The following SLC39A11 variants were observed in gnomAD, a reference collection of about 807,000 sequenced individuals.
The protein encoded by SLC39A11 is solute carrier family 39 member 11.
Under a neutral mutation model 36.1 loss-of-function variants are expected in SLC39A11, and 33 were observed. The ratio of observed to expected loss-of-function variants is 0.91; its 90% CI spans 0.69 to 1.22. The LOEUF (loss-of-function observed/expected upper bound fraction) is 1.22, where lower values mean the gene tolerates loss of function less well. SLC39A11 is among the 50% of genes most tolerant of loss of function. SLC39A11 has a pLI of 0.00. For missense variants in SLC39A11, 432 were observed against 430.3 expected (o/e 1.00, Z -0.03); for synonymous variants, 166 against 170.3 (o/e 0.97, Z 0.20).
intron 4 of SLC39A11, among the ~76,000 whole-genome samples, chr17:73,012,546 T>A (rs1368528182): frequency 6.6e-6 from 1 of 152,102 alleles, no homozygotes; most frequent in East Asian, 1.9e-4. Context: ...TTTTTCTTTT[T>A]TAACTTTTAT....
chr17:72,945,500 A>T (rs188482885), intron 5 of SLC39A11, among the ~76,000 whole-genome samples: 2 of 152,228 alleles, frequency 1.3e-5, no homozygotes, highest in Non-Finnish European at 2.9e-5. Context: ...AATAGCCATT[A>T]TCAGTTTTGG....
At chr17:72,756,423 T>C (rs1450512887) in intron 6 of SLC39A11, among the ~76,000 whole-genome samples, 1 of 152,246 alleles carries the variant, frequency 6.6e-6, no homozygotes, top group Non-Finnish European at 1.5e-5. Context: ...AAATGTGGTA[T>C]ATCCACACAA....
intron 4 of SLC39A11, among the ~76,000 whole-genome samples, chr17:72,973,463 T>C (rs79089781): frequency 0.035 from 5,312 of 152,250 alleles, 134 homozygotes; most frequent in Middle Eastern, 0.082. Flanking sequence ...ATGGTTTCCC[T>C]GGGCTGCAGG....
chr17:72,997,414 C>T (rs1208497067), intron 4 of SLC39A11, among the ~76,000 whole-genome samples: 3 of 152,142 alleles, frequency 2.0e-5, no homozygotes, highest in Non-Finnish European at 2.9e-5. Flanking sequence ...CCACCACGCC[C>T]GGCTAATTTT....
intron 4 of SLC39A11, among the ~76,000 whole-genome samples, chr17:72,954,639 T>G (rs1159069753): frequency 1.3e-5 from 2 of 152,248 alleles, no homozygotes; most frequent in Non-Finnish European, 2.9e-5. Flanking sequence ...GAAGTTGCCA[T>G]AATAATGACA....
At chr17:73,052,520 T>C (rs1181660054) in intron 3 of SLC39A11, among the ~76,000 whole-genome samples, 1 of 151,996 alleles carries the variant, frequency 6.6e-6, no homozygotes, top group East Asian at 1.9e-4. Context: ...ATAAGACTAA[T>C]AAAGAGAGGA....
intron 6 of SLC39A11, among the ~76,000 whole-genome samples, chr17:72,817,227 C>A (rs1221719984): frequency 6.7e-6 from 1 of 150,140 alleles, no homozygotes; most frequent in African/African-American, 2.5e-5. Context: ...AGCTTCCACT[C>A]ATGGTGGAAG....
intron 3 of SLC39A11, among the ~76,000 whole-genome samples, chr17:73,034,422 G>A (rs1298223609): frequency 5.9e-5 from 9 of 152,194 alleles, no homozygotes; most frequent in East Asian, 1.9e-4. Flanking sequence ...GGGTTTTGCC[G>A]TGTTGGCCAG....
rs2058441683 is a variant in SLC39A11, at chr17:73,023,834, G to A, written c.306+7722C>T. On this transcript the variant is annotated intron_variant, in intron 4 of 9. Coordinates refer to ENST00000255559, the MANE Select transcript of SLC39A11 (RefSeq NM_139177.4). ...TGGGCCTTGGTCCAATGTGGCTGGT[G>A]TCTTCATGGAAAGAGGAAAGCTGGG... Among the ~76,000 whole-genome samples, 4 of 152,140 alleles carry A rather than the reference G, an allele frequency of 2.6e-5. No individual in the cohort carries two copies. The South Asian group carries it at 8.3e-4, about 32-fold the overall frequency.
At chr17:73,062,019 C>T (rs2059854544) in intron 3 of SLC39A11, among the ~76,000 whole-genome samples, 1 of 151,948 alleles carries the variant, frequency 6.6e-6, no homozygotes, top group African/African-American at 2.4e-5. Context: ...AAAAAAAATC[C>T]TCTGTTCCAT....
intron 4 of SLC39A11, among the ~76,000 whole-genome samples, chr17:72,977,324 G>A (rs1234056715): frequency 1.3e-5 from 2 of 152,170 alleles, no homozygotes; most frequent in African/African-American, 2.4e-5. Flanking sequence ...GCTTGGAAGG[G>A]ACTCCGAAAT....
At chr17:72,963,252 G>A (rs1166474279) in intron 4 of SLC39A11, among the ~76,000 whole-genome samples, 3 of 135,836 alleles carry the variant, frequency 2.2e-5, no homozygotes, top group East Asian at 2.3e-4. Flanking sequence ...CTCCCTGCAA[G>A]CTCCGCCTCC....
At chr17:72,659,378 T>C (rs1480985209) in intron 7 of SLC39A11, among the ~76,000 whole-genome samples, 1 of 152,086 alleles carries the variant, frequency 6.6e-6, no homozygotes, top group Non-Finnish European at 1.5e-5. Context: ...ATGGGGACAA[T>C]TTTAATAGAT....
At chr17:73,078,637 C>T (rs2060411660) in intron 3 of SLC39A11, among the ~76,000 whole-genome samples, 1 of 152,004 alleles carries the variant, frequency 6.6e-6, no homozygotes, top group African/African-American at 2.4e-5. Flanking sequence ...CAGGTGCCCG[C>T]CACCATGCCT....
chr17:72,908,215 G>C (rs1477090293), intron 5 of SLC39A11, among the ~76,000 whole-genome samples: 1 of 152,236 alleles, frequency 6.6e-6, no homozygotes, highest in Admixed American at 6.5e-5. Context: ...TGCCTCCTGG[G>C]ATGTTAACCA....
chr17:72,673,253 T>C (rs1037051173), intron 7 of SLC39A11, among the ~76,000 whole-genome samples: 1 of 151,972 alleles, frequency 6.6e-6, no homozygotes, highest in Admixed American at 6.5e-5. Flanking sequence ...TACAGGTGTG[T>C]GCCACCACAC....
At chr17:72,765,517 G>C (rs969867645) in intron 6 of SLC39A11, among the ~76,000 whole-genome samples, 2 of 152,130 alleles carry the variant, frequency 1.3e-5, no homozygotes, top group Non-Finnish European at 2.9e-5. Flanking sequence ...TTGATAAATT[G>C]GCTTTATCTG....
rs1339490508 is a variant in SLC39A11, at chr17:72,740,411, T to C, written c.602-3692A>G. The stretch of plus-strand genomic sequence containing the variant: ...AATCATAAGGAAGAGAAAATACATT[T>C]ACAGTGCCGTACTGTATTTATCAAG... On this transcript the variant is annotated intron_variant, in intron 6 of 9. Transcript: ENST00000255559. Among the ~76,000 whole-genome samples, 3 of 152,178 alleles carry C rather than the reference T, an allele frequency of 2.0e-5. No homozygotes were observed. In the East Asian group the frequency reaches 5.8e-4, roughly 29 times the overall value.
At chr17:72,900,551 T>C (rs1219164210) in intron 5 of SLC39A11, among the ~76,000 whole-genome samples, 3 of 151,968 alleles carry the variant, frequency 2.0e-5, no homozygotes, top group African/African-American at 7.3e-5. Flanking sequence ...GTTAGGTCCT[T>C]GGACTTGGCT....
Sources: gnomAD v4.1 joint callset for allele counts (sites outside exome capture counted in the v4.1 genomes callset) on GRCh38, gnomAD v4.1.1 for gene constraint, MANE v1.5 for transcripts, NCBI Gene and HGNC (gene_info 2026-07-23, HGNC 2026-07-21) for gene names.